Variants in EPC2 observed in about 807,000 individuals in gnomAD.
EPC2 encodes the protein enhancer of polycomb homolog 2.
Under a neutral mutation model 92.1 loss-of-function variants are expected in EPC2, and 14 were observed. That is an observed-to-expected ratio of 0.15 (90% CI 0.10 to 0.24). The LOEUF is 0.24. Among genes scored for constraint, EPC2 ranks in the 10% least tolerant of loss-of-function variants. The probability of loss-of-function intolerance (pLI) is 1.00; values close to 1 mark genes in which losing one functional copy is unlikely to be tolerated. For synonymous variants in EPC2, 340 were observed against 334.7 expected (o/e 1.02, Z -0.17); for missense variants, 755 against 971.5 (o/e 0.78, Z 2.96).
In EPC2 at chr2:148,745,471, A is replaced by G. The variant is rs547366608; in HGVS notation, c.459+1704A>G. Among the ~76,000 whole-genome samples the G allele has an allele frequency of 7.2e-5, 11 of 152,206 alleles. No individual in the cohort carries two copies. The East Asian group carries it at 1.5e-3, about 21-fold the overall frequency. ...CTGCCCTTGTTCAGCGTATTATCCAATTGGAGACAGGATAAACAAAAAAAC... is the reference window on the plus strand; with the variant it reads ...CTGCCCTTGTTCAGCGTATTATCCAGTTGGAGACAGGATAAACAAAAAAAC... On this transcript the variant is annotated intron_variant, in intron 3 of 13. Coordinates refer to ENST00000258484, the MANE Select transcript of EPC2 (RefSeq NM_015630.4).
chr2:148,680,407 T>C (rs1171724045), intron 1 of EPC2, among the ~76,000 whole-genome samples: 1 of 152,212 alleles, frequency 6.6e-6, no homozygotes, highest in Non-Finnish European at 1.5e-5. Flanking sequence ...ATCCGGTGTT[T>C]AATAGGTGTT....
chr2:148,733,372 T>A (rs1318453450), intron 2 of EPC2, among the ~76,000 whole-genome samples: 1 of 151,906 alleles, frequency 6.6e-6, no homozygotes, highest in Non-Finnish European at 1.5e-5. Context: ...GGCTAGTTAG[T>A]AAATATATTG....
chr2:148,655,569 A>G (rs929478787), intron 1 of EPC2, among the ~76,000 whole-genome samples: 1 of 152,234 alleles, frequency 6.6e-6, no homozygotes, highest in Non-Finnish European at 1.5e-5. Context: ...TGGTATTGCT[A>G]GTACTACTGT....
intron 2 of EPC2, among the ~76,000 whole-genome samples, chr2:148,723,271 C>G (rs567594446): frequency 6.6e-6 from 1 of 152,314 alleles, no homozygotes; most frequent in Admixed American, 6.5e-5. Context: ...TTTCAAAATG[C>G]TTACCTTTCT....
intron 1 of EPC2, among the ~76,000 whole-genome samples, chr2:148,654,596 T>C (rs1251984702): frequency 6.6e-6 from 1 of 152,162 alleles, no homozygotes; most frequent in Non-Finnish European, 1.5e-5. Context: ...AATTCAAGGC[T>C]GCAGTGAACT....
At chr2:148,783,851 T>C in intron 12 of EPC2, 95 bp downstream of exon 12, 1 of 1,231,944 alleles carries the variant, frequency 8.1e-7, no homozygotes, top group Non-Finnish European at 1.1e-6. Context: ...GGGGAAAATG[T>C]GTATAAGTCA....
rs566886483 is a variant in EPC2, at chr2:148,672,872, G to A, written c.154-17342G>A. Among the ~76,000 whole-genome samples the A allele has an allele frequency of 1.1e-4, 17 of 152,216 alleles. No homozygotes were observed. In the South Asian group the frequency reaches 3.5e-3, roughly 32 times the overall value. On this transcript the variant is annotated intron_variant, in intron 1 of 13. Coordinates refer to ENST00000258484, the MANE Select transcript of EPC2 (RefSeq NM_015630.4). Reference sequence around the variant, plus strand: ...GGACTCCCTTTAGCAATTTTTATAGGAAGGGTCAGTAGCGATGAACTCCCT... The same window carrying A: ...GGACTCCCTTTAGCAATTTTTATAGAAAGGGTCAGTAGCGATGAACTCCCT...
chr2:148,766,015 G>A (rs1007762610), intron 7 of EPC2, among the ~76,000 whole-genome samples: 39 of 152,156 alleles, frequency 2.6e-4, no homozygotes, highest in African/African-American at 8.4e-4. Context: ...CAGCCTGGGC[G>A]ACAGAGCGAG....
At chr2:148,661,958 TCAAA>T (rs1490019662) in intron 1 of EPC2, among the ~76,000 whole-genome samples, 2 of 152,052 alleles carry the variant, frequency 1.3e-5, no homozygotes, top group Non-Finnish European at 2.9e-5. Flanking sequence ...TACAATGAAC[TCAAA>T]CAAATTTACA....
intron 4 of EPC2, among the ~76,000 whole-genome samples, chr2:148,760,254 C>G (rs184089546): frequency 4.9e-4 from 75 of 152,246 alleles, no homozygotes; most frequent in African/African-American, 1.8e-3. Context: ...GAGACTCTGT[C>G]TCACATACAC....
At position 148,786,517 on chromosome 2, in the gene EPC2, T is replaced by C. The variant is rs117521189; in HGVS notation, c.*140T>C. 2,875 of 523,864 alleles carry C rather than the reference T, an allele frequency of 5.5e-3. 119 individuals carry two copies. In the Admixed American group the frequency reaches 0.071, roughly 13 times the overall value. The allele number at this position is 523,864 out of a possible 1,614,324, so 32.5% of individuals were successfully genotyped here. On this transcript the variant is annotated 3_prime_UTR_variant, in exon 14 of 14. Transcript: ENST00000258484. Reference sequence around the variant, plus strand: ...TATAGTATATTGGATGTTAAATCCATATATGATGTATATTTTGTAAAATTG... The same window carrying C: ...TATAGTATATTGGATGTTAAATCCACATATGATGTATATTTTGTAAAATTG...
At chr2:148,697,667 G>T (rs1460988783) in intron 2 of EPC2, among the ~76,000 whole-genome samples, 2 of 151,974 alleles carry the variant, frequency 1.3e-5, no homozygotes, top group African/African-American at 4.8e-5. Context: ...GAACCACTAG[G>T]GCAGCAATAC....
At chr2:148,691,585 GTTC>G in intron 2 of EPC2, 1 of 1,550,512 alleles carries the variant, frequency 6.4e-7, no homozygotes, top group Non-Finnish European at 8.7e-7. Context: ...TTGAAGTCTT[GTTC>G]TTCTAAAGAG....
chr2:148,656,106 T>C (rs1001031786), intron 1 of EPC2, among the ~76,000 whole-genome samples: 3 of 151,110 alleles, frequency 2.0e-5, no homozygotes, highest in African/African-American at 7.3e-5. Flanking sequence ...TCTCTTATAC[T>C]CATTTTGTAA....
At chr2:148,771,711 G>A (rs1345684296) in intron 10 of EPC2, among the ~76,000 whole-genome samples, 2 of 152,010 alleles carry the variant, frequency 1.3e-5, no homozygotes, top group Non-Finnish European at 2.9e-5. Flanking sequence ...ATTTTGGTGC[G>A]TAAACTTTCA....
At chr2:148,648,509 CAGT>C (rs747434438) in intron 1 of EPC2, among the ~76,000 whole-genome samples, 6 of 152,072 alleles carry the variant, frequency 3.9e-5, no homozygotes, top group Non-Finnish European at 8.8e-5. Flanking sequence ...TCTTTTAAAT[CAGT>C]AGGCTTGTAA....
intron 4 of EPC2, among the ~76,000 whole-genome samples, chr2:148,761,165 G>GTATTTT (rs1445997662): frequency 1.4e-4 from 22 of 152,284 alleles, no homozygotes; most frequent in Non-Finnish European, 2.8e-4. Flanking sequence ...CTGAAATTCA[G>GTATTTT]TATTTTTGCT....
At chr2:148,678,094 G>A (rs571186296) in intron 1 of EPC2, among the ~76,000 whole-genome samples, 110 of 152,272 alleles carry the variant, frequency 7.2e-4, no homozygotes, top group African/African-American at 1.5e-3. Flanking sequence ...TTGACAGGGC[G>A]CTGATTGGCG....
chr2:148,776,895 C>G (rs1212109317), intron 10 of EPC2, among the ~76,000 whole-genome samples: 2 of 118,458 alleles, frequency 1.7e-5, no homozygotes, highest in Admixed American at 1.1e-4. Context: ...GAGTCTTGTT[C>G]TCTCGCCCAC....
Sources: allele counts gnomAD v4.1 joint callset (sites outside exome capture counted in the v4.1 genomes callset), GRCh38; gene constraint gnomAD v4.1.1; transcripts MANE v1.5; gene names NCBI Gene and HGNC (gene_info 2026-07-23, HGNC 2026-07-21).